GDAP2: variants seen among roughly 807,000 people sequenced by gnomAD.
GDAP2 encodes the protein ganglioside induced differentiation associated protein 2, also known as ganglioside-induced differentiation-associated protein 2.
In GDAP2, 51 loss-of-function variants were observed where a neutral mutation model predicts 67.0. The observed-to-expected ratio is 0.76, with a 90% confidence interval of 0.61 to 0.96. GDAP2 has a LOEUF of 0.96. Among genes scored for constraint, GDAP2 ranks in the 40% least tolerant of loss-of-function variants. The pLI is 0.00. For missense variants in GDAP2, 547 were observed against 588.3 expected (o/e 0.93, Z 0.73); for synonymous variants, 203 against 207.3 (o/e 0.98, Z 0.18).
intron 8 of GDAP2, among the ~76,000 whole-genome samples, chr1:117,891,808 G>T (rs999100510): frequency 3.3e-5 from 5 of 151,890 alleles, no homozygotes; most frequent in Non-Finnish European, 5.9e-5. Context: ...CTTTCTCTAA[G>T]GTTTGAAGGA....
intron 3 of GDAP2, among the ~76,000 whole-genome samples, chr1:117,914,244 C>A (rs1197215140): frequency 6.6e-6 from 1 of 151,836 alleles, no homozygotes; most frequent in Non-Finnish European, 1.5e-5. Context: ...ATAGACAACA[C>A]AGGGGAAAAA....
At chr1:117,901,552 T>C (rs552954792) in intron 6 of GDAP2, among the ~76,000 whole-genome samples, 30 of 152,274 alleles carry the variant, frequency 2.0e-4, no homozygotes, top group Non-Finnish European at 3.8e-4. Flanking sequence ...TTCGTAATTA[T>C]AGCCATGTTA....
rs1359060445 is a variant in GDAP2 at position 117,865,447 on chromosome 1, T to C, written c.*5122A>G. 6.6e-6 allele frequency: 1 copy of C among 152,208 alleles called. No homozygotes were observed. Among genetic ancestry groups the C allele is most frequent in the Non-Finnish European group, 1.5e-5 (1 of 68,034 alleles). The allele number at this position is 152,208 out of a possible 1,614,324, so 9.4% of individuals were successfully genotyped here. On this transcript the variant is annotated 3_prime_UTR_variant, in exon 14 of 14. Transcript: ENST00000369443. The stretch of plus-strand genomic sequence containing the variant: ...GTAAGCAAATTGTAAGATCTGTCAA[T>C]TTAAGCATTTTTAGGTTTCCTTCGC...
rs373169433 is a variant in GDAP2 at position 117,912,132 on chromosome 1, A to G, written c.471-50T>C. 108 of 989,106 alleles carry G rather than the reference A, an allele frequency of 1.1e-4. No individual in the cohort carries two copies. In the African/African-American group the frequency reaches 1.6e-3, roughly 14 times the overall value. 61.3% of individuals were successfully genotyped at this position (989,106 alleles called of 1,614,324 possible). A position where few individuals can be genotyped will look rare whatever the true frequency, so the allele number is the denominator to read the frequency against. On this transcript the variant is annotated intron_variant, in intron 4 of 13. Transcript: ENST00000369443. The stretch of plus-strand genomic sequence containing the variant: ...ATTGCACTAGAAATATCAGTAATAC[A>G]TACACAACAATATATAAGTAATTTC...
chr1:117,896,919 T>C lies in GDAP2; in HGVS notation c.867A>G (p.Arg289=). Residue 289 remains arginine, a synonymous_variant, in exon 8 of 14, where the codon CGA becomes CGG. Coordinates refer to ENST00000369443, the MANE Select transcript of GDAP2 (RefSeq NM_017686.4). The part of the protein sequence containing the change: ...LSFIGSHAFA[R]MEGDIDKQRK... ...TTTGCTTGTCAATATCTCCTTCCATTCGAGCAAAAGCATGAGAGCCAATGA... is the reference window on the plus strand; with the variant it reads ...TTTGCTTGTCAATATCTCCTTCCATCCGAGCAAAAGCATGAGAGCCAATGA... 6.2e-7 allele frequency: 1 copy of C among 1,612,250 alleles called. No individual in the cohort carries two copies. The highest frequency in any genetic ancestry group is 8.5e-7 in the Non-Finnish European group (1 of 1,178,474).
chr1:117,883,248 T>C (rs1648727071), intron 11 of GDAP2: 1 of 391,232 alleles, frequency 2.6e-6, no homozygotes, highest in Non-Finnish European at 4.7e-6. Context: ...GAAGGTAGTA[T>C]TTTTGTTATT....
chr1:117,885,720 T>C (rs1648828561), intron 10 of GDAP2, among the ~76,000 whole-genome samples: 1 of 152,196 alleles, frequency 6.6e-6, no homozygotes, highest in African/African-American at 2.4e-5. Flanking sequence ...AACTGGTTTA[T>C]CTTAAATTCT....
intron 1 of GDAP2, among the ~76,000 whole-genome samples, chr1:117,926,361 C>G (rs998033365): frequency 3.3e-5 from 5 of 152,208 alleles, no homozygotes; most frequent in African/African-American, 9.6e-5. Context: ...TATCCCTGAT[C>G]ATACCTGGTC....
Position 117,929,573 on chromosome 1 carries a change from G to T in GDAP2, c.-193C>A, listed in dbSNP as rs1207857376. On this transcript the variant is annotated 5_prime_UTR_variant, in exon 1 of 14. Transcript: ENST00000369443. ...CGAGTACGGCGAGTCAAAGTCCCAG[G>T]AGACTGGAGTGACCAGCTGCAAATG... The T allele has an allele frequency of 2.6e-5, 4 of 152,350 alleles. No homozygotes were observed. Among genetic ancestry groups the T allele is most frequent in the Admixed American group, 1.3e-4 (2 of 15,290 alleles). 9.4% of individuals were successfully genotyped at this position (152,350 alleles called of 1,614,324 possible).
chr1:117,896,781 T>C lies in GDAP2; in HGVS notation c.953+52A>G, dbSNP rs142542143. 2.1e-4 allele frequency: 279 copies of C among 1,302,948 alleles called. 4 individuals are homozygous for C. In the East Asian group the frequency reaches 6.1e-3, roughly 29 times the overall value. The allele number at this position is 1,302,948 out of a possible 1,614,324, so 80.7% of individuals were successfully genotyped here. A position where few individuals can be genotyped will look rare whatever the true frequency, so the allele number is the denominator to read the frequency against. On this transcript the variant is annotated intron_variant, in intron 8 of 13. Coordinates refer to ENST00000369443, the MANE Select transcript of GDAP2 (RefSeq NM_017686.4). The stretch of plus-strand genomic sequence containing the variant: ...CTCATGCATCAGATGCAAGGTTCCT[T>C]TCTTGCTTCTGATGTCCTTATGTAT...
At chr1:117,887,664 G>A in intron 9 of GDAP2, 34 bp downstream of exon 9, 1 of 1,022,720 alleles carries the variant, frequency 9.8e-7, no homozygotes, top group Non-Finnish European at 1.6e-6. Flanking sequence ...CTCTTAATTA[G>A]TGAAAGAATA....
chr1:117,881,883 C>A lies in GDAP2; in HGVS notation c.1248-6G>T. The A allele has an allele frequency of 6.5e-7, 1 of 1,532,852 alleles. No individual in the cohort carries two copies. Among genetic ancestry groups the A allele is most frequent in the Non-Finnish European group, 9.0e-7 (1 of 1,106,416 alleles). The allele number at this position is 1,532,852 out of a possible 1,614,324, so 95.0% of individuals were successfully genotyped here. ...CCTTCAAATTCCTCTTGTACCTGAT[C>A]CAAAAATAAAATGACAAAAAAAATC... On this transcript the variant is annotated splice_region_variant and splice_polypyrimidine_tract_variant and intron_variant, in intron 11 of 13. Coordinates refer to ENST00000369443, the MANE Select transcript of GDAP2 (RefSeq NM_017686.4).
intron 1 of GDAP2, among the ~76,000 whole-genome samples, chr1:117,922,043 G>GT (rs202156989): frequency 0.013 from 2,034 of 151,186 alleles, 39 homozygotes; most frequent in South Asian, 0.093. Context: ...ATAACCAATG[G>GT]TTTTTTTTTC....
intron 12 of GDAP2, among the ~76,000 whole-genome samples, chr1:117,880,990 T>C (rs749291031): frequency 3.9e-5 from 6 of 152,030 alleles, no homozygotes; most frequent in African/African-American, 7.2e-5. Flanking sequence ...AAGGAGGCAA[T>C]GATAAGAACA....
In GDAP2 at chr1:117,920,266, T is replaced by G. The variant is rs1184185430; in HGVS notation, c.92A>C (p.Asp31Ala). 6.2e-7 allele frequency: 1 copy of G among 1,604,142 alleles called. No individual in the cohort carries two copies. Among genetic ancestry groups the G allele is most frequent in the East Asian group, 2.2e-5 (1 of 44,802 alleles). The change falls in exon 2 of 14, where the codon GAT (aspartate) becomes GCT (alanine). Residue 31 changes from aspartate to alanine, a missense_variant. Transcript: ENST00000369443. ...DSCQDELNSS[D>A]TTAEIFQEDT... is the part of the protein sequence containing the mutation. ...TTCCTGAAATATTTCAGCTGTAGTA[T>G]CAGAGGAATTTAATTCATCTTGGCA...
chr1:117,878,342 G>A (rs765315573), intron 12 of GDAP2, among the ~76,000 whole-genome samples, 190 bp from the exon 13 acceptor site: 34 of 152,076 alleles, frequency 2.2e-4, no homozygotes, highest in African/African-American at 6.3e-4. Context: ...AAGAAGAAAC[G>A]AGGATAACAC....
intron 6 of GDAP2, among the ~76,000 whole-genome samples, chr1:117,901,430 A>G (rs1217183920): frequency 6.6e-6 from 1 of 152,208 alleles, no homozygotes; most frequent in Non-Finnish European, 1.5e-5. Flanking sequence ...TAACTTTTTC[A>G]TGAACTGCCA....
At chr1:117,878,300 C>A (rs1648534483) in intron 12 of GDAP2, 148 bp from the exon 13 acceptor site, 1 of 545,904 alleles carries the variant, frequency 1.8e-6, no homozygotes, top group Admixed American at 3.5e-5. Flanking sequence ...ATTTTGCAAT[C>A]ATCAGTTTAG....
At position 117,868,008 on chromosome 1, in the gene GDAP2, T is replaced by C. The variant is rs1346071282; in HGVS notation, c.*2561A>G. The C allele has an allele frequency of 6.6e-6, 1 of 152,216 alleles. No homozygotes were observed. Among genetic ancestry groups the C allele is most frequent in the East Asian group, 1.9e-4 (1 of 5,200 alleles). 9.4% of individuals were successfully genotyped at this position (152,216 alleles called of 1,614,324 possible). On this transcript the variant is annotated 3_prime_UTR_variant, in exon 14 of 14. Transcript: ENST00000369443. ...CAATTAGCATTTGGCATGACCAAAG[T>C]TTAATTAAATTAAAGACTTGGTGGT...
Sources: gnomAD v4.1 joint callset for allele counts (sites outside exome capture counted in the v4.1 genomes callset) on GRCh38, gnomAD v4.1.1 for gene constraint, MANE v1.5 for transcripts, NCBI Gene and HGNC (gene_info 2026-07-23, HGNC 2026-07-21) for gene names.